The following MGAT4C variants were observed in gnomAD, a reference collection of about 807,000 sequenced individuals.
MGAT4C encodes the protein MGAT4 family member C, also known as alpha-1,3-mannosyl-glycoprotein 4-beta-N-acetylglucosaminyltransferase C.
In MGAT4C, 19 loss-of-function variants were observed where a neutral mutation model predicts 40.1. That is an observed-to-expected ratio of 0.47 (90% CI 0.33 to 0.70). The LOEUF is 0.70. Among genes scored for constraint, MGAT4C ranks in the 30% least tolerant of loss-of-function variants. MGAT4C has a pLI of 0.02. For synonymous variants in MGAT4C, 181 were observed against 187.1 expected, an observed-to-expected ratio of 0.97 and a Z score of 0.27; for missense variants, 491 against 563.2, an observed-to-expected ratio of 0.87 and a Z score of 1.30.
intron 2 of MGAT4C, among the ~76,000 whole-genome samples, chr12:86,460,443 A>G (rs1957580735): frequency 1.3e-5 from 2 of 152,212 alleles, no homozygotes; most frequent in African/African-American, 4.8e-5. Context: ...GTAGTTAGGC[A>G]AATTGTTGTA....
intron 1 of MGAT4C, among the ~76,000 whole-genome samples, chr12:86,801,462 T>C (rs540713893): frequency 1.3e-5 from 2 of 151,952 alleles, no homozygotes; most frequent in South Asian, 4.2e-4. Flanking sequence ...TATAGACATA[T>C]AGAAAAAGAA....
intron 2 of MGAT4C, among the ~76,000 whole-genome samples, chr12:86,002,716 C>T (rs1465014210): frequency 6.7e-6 from 1 of 148,922 alleles, no homozygotes; most frequent in Non-Finnish European, 1.5e-5. Flanking sequence ...ATATATATTA[C>T]ATATATGTAT....
At chr12:86,811,137 T>C (rs1358710286) in intron 1 of MGAT4C, among the ~76,000 whole-genome samples, 1 of 150,986 alleles carries the variant, frequency 6.6e-6, no homozygotes, top group Non-Finnish European at 1.5e-5. Context: ...AATGTCATTG[T>C]TGGCAGGGGA....
chr12:85,988,601 T>C (rs1178464525), intron 3 of MGAT4C, among the ~76,000 whole-genome samples: 3 of 152,002 alleles, frequency 2.0e-5, no homozygotes, highest in Non-Finnish European at 4.4e-5. Flanking sequence ...TTAGGACAGA[T>C]ATTTTAGGCT....
chr12:86,192,298 C>T (rs1241912842), intron 1 of MGAT4C, among the ~76,000 whole-genome samples: 1 of 151,926 alleles, frequency 6.6e-6, no homozygotes, highest in African/African-American at 2.4e-5. Flanking sequence ...CATTAGGGCA[C>T]TGATTAGGAA....
Position 85,978,419 on chromosome 12 carries a change from CA to C in MGAT4C, c.*869del, listed in dbSNP as rs1294960336. On this transcript the variant is annotated 3_prime_UTR_variant, in exon 5 of 5. Coordinates refer to ENST00000611864, the MANE Select transcript of MGAT4C (RefSeq NM_001351288.2). ...TATGATAAATCACAATAATTTCAAT[CA>C]CATGGATTTTAATACAAAATGTATA... is the stretch of plus-strand genomic sequence containing the variant. 1.3e-5 allele frequency: 2 copies of C among 151,930 alleles called. No individual in the cohort carries two copies. The highest frequency in any genetic ancestry group is 3.0e-5 in the Non-Finnish European group (2 of 67,652). The allele number at this position is 151,930 out of a possible 1,614,324, so 9.4% of individuals were successfully genotyped here.
intron 1 of MGAT4C, among the ~76,000 whole-genome samples, chr12:86,213,453 G>T (rs770076456): frequency 1.6e-4 from 24 of 151,958 alleles, no homozygotes; most frequent in Non-Finnish European, 3.4e-4. Context: ...TACCTCTTTA[G>T]GCATTGAATA....
chr12:86,761,975 T>G (rs909798260), intron 1 of MGAT4C, among the ~76,000 whole-genome samples: 1 of 152,130 alleles, frequency 6.6e-6, no homozygotes, highest in Non-Finnish European at 1.5e-5. Context: ...GGGGCATTAT[T>G]TAGCCTGCCA....
intron 2 of MGAT4C, among the ~76,000 whole-genome samples, chr12:86,703,174 C>G (rs1482800508): frequency 6.6e-6 from 1 of 151,974 alleles, no homozygotes; most frequent in African/African-American, 2.4e-5. Context: ...TACGGATGAA[C>G]AAAGAAAGTG....
At chr12:86,722,234 AAAGAGG>A (rs1950748558) in intron 2 of MGAT4C, among the ~76,000 whole-genome samples, 1 of 152,208 alleles carries the variant, frequency 6.6e-6, no homozygotes, top group East Asian at 1.9e-4. Context: ...GAGCAAACCG[AAAGAGG>A]GAACTGTAGC....
At chr12:86,315,796 T>C (rs931824708) in intron 4 of MGAT4C, among the ~76,000 whole-genome samples, 4 of 151,754 alleles carry the variant, frequency 2.6e-5, no homozygotes, top group Non-Finnish European at 5.9e-5. Context: ...TAATTTATGA[T>C]AAAATCCTCA....
chr12:86,672,511 C>T (rs965867725), intron 2 of MGAT4C, among the ~76,000 whole-genome samples: 4 of 151,558 alleles, frequency 2.6e-5, no homozygotes, highest in African/African-American at 4.9e-5. Context: ...AAAAGATAAA[C>T]GAAATTGACA....
At chr12:86,014,868 G>T (rs1888907743) in intron 2 of MGAT4C, among the ~76,000 whole-genome samples, 1 of 151,730 alleles carries the variant, frequency 6.6e-6, no homozygotes, top group Non-Finnish European at 1.5e-5. Context: ...TCTCTTGCTG[G>T]GTTGGAGGGC....
rs148255192 is a variant in MGAT4C at position 86,056,761 on chromosome 12, G to A, written c.-56-7038C>T. Among the ~76,000 whole-genome samples the A allele has an allele frequency of 3.9e-5, 6 of 152,092 alleles. No homozygotes were observed. In the East Asian group the frequency reaches 1.2e-3, roughly 29 times the overall value. On this transcript the variant is annotated intron_variant, in intron 1 of 4. Transcript: ENST00000611864. ...TGGGTATATACCCAGTAATAGGATCGCTGGATCAAATGGTATTTCTAGTTC... is the reference window on the plus strand; with the variant it reads ...TGGGTATATACCCAGTAATAGGATCACTGGATCAAATGGTATTTCTAGTTC...
At chr12:86,824,692 T>C (rs1486386435) in intron 1 of MGAT4C, among the ~76,000 whole-genome samples, 1 of 128,954 alleles carries the variant, frequency 7.8e-6, no homozygotes, top group African/African-American at 3.0e-5. Context: ...TTACTTGATA[T>C]CAAACATGAA....
intron 2 of MGAT4C, among the ~76,000 whole-genome samples, chr12:86,598,963 C>G (rs1054600546): frequency 6.6e-6 from 1 of 152,050 alleles, no homozygotes; most frequent in African/African-American, 2.4e-5. Context: ...CTGAAGCTAA[C>G]AGAACTAAGG....
intron 1 of MGAT4C, among the ~76,000 whole-genome samples, chr12:86,166,579 T>G (rs1593123443): frequency 6.6e-6 from 1 of 152,118 alleles, no homozygotes; most frequent in African/African-American, 2.4e-5. Flanking sequence ...GGCTGAGGCA[T>G]GAGAATCATT....
At chr12:86,019,001 G>C (rs567479119) in intron 2 of MGAT4C, among the ~76,000 whole-genome samples, 52 of 152,064 alleles carry the variant, frequency 3.4e-4, no homozygotes, top group African/African-American at 1.2e-3. Flanking sequence ...CTCTTTTACA[G>C]TATCATTCTC....
At chr12:86,261,377 A>AG (rs1482163292), upstream of MGAT4C, among the ~76,000 whole-genome samples, 1 of 152,104 alleles carries the variant, frequency 6.6e-6, no homozygotes, top group Non-Finnish European at 1.5e-5. Flanking sequence ...ACCTTAGTCA[A>AG]GGGAGAGCTT....
Sources: gnomAD v4.1 joint callset for allele counts (sites outside exome capture counted in the v4.1 genomes callset) on GRCh38, gnomAD v4.1.1 for gene constraint, MANE v1.5 for transcripts, NCBI Gene and HGNC (gene_info 2026-07-23, HGNC 2026-07-21) for gene names.